Variants in TPO observed in about 807,000 individuals in gnomAD.
TPO encodes thyroid peroxidase, also known as thyroid microsomal antigen.
A neutral mutation model predicts 96.9 loss-of-function variants in TPO; 78 were observed. The ratio of observed to expected loss-of-function variants is 0.81; its 90% confidence interval spans 0.67 to 0.97. TPO has a LOEUF of 0.97. TPO is among the 50% of genes least tolerant of loss of function. The pLI is 0.00. For missense variants in TPO, 1,252 were observed against 1,274.8 expected (o/e 0.98, Z 0.27); for synonymous variants, 547 against 538.0 (o/e 1.02, Z -0.23).
intron 1 of TPO, among the ~76,000 whole-genome samples, chr2:1,380,200 C>T (rs1661786523): frequency 6.6e-6 from 1 of 152,038 alleles, no homozygotes; most frequent in South Asian, 2.1e-4. Flanking sequence ...CAAGACCATC[C>T]TGGCTAATAC....
chr2:1,429,277 G>T (rs918088109), intron 3 of TPO, among the ~76,000 whole-genome samples: 1 of 152,126 alleles, frequency 6.6e-6, no homozygotes, highest in African/African-American at 2.4e-5. Context: ...TGCCATGGTT[G>T]TCGGCTTCAT....
At chr2:1,526,449 G>T (rs201276948) in intron 15 of TPO, among the ~76,000 whole-genome samples, 1 of 119,910 alleles carries the variant, frequency 8.3e-6, no homozygotes, top group Non-Finnish European at 1.6e-5. Flanking sequence ...CCAACTGTGT[G>T]CAACCTCCCC....
chr2:1,489,395 G>A (rs936279603), intron 10 of TPO, among the ~76,000 whole-genome samples: 5 of 152,196 alleles, frequency 3.3e-5, no homozygotes, highest in African/African-American at 1.2e-4. Context: ...ATCTCCTCAT[G>A]TTCCCACTGC....
In TPO at chr2:1,446,519, G is replaced by A. The variant is rs1418070216; in HGVS notation, c.483-7175G>A. On this transcript the variant is annotated intron_variant, in intron 5 of 16. Coordinates refer to ENST00000329066, the MANE Select transcript of TPO (RefSeq NM_001206744.2). Reference sequence around the variant, plus strand: ...TCTTGAGGGGAGGGTGGCATTTCCTGTGGTTTAACTTCACATTTTCCTGGT... The same window carrying A: ...TCTTGAGGGGAGGGTGGCATTTCCTATGGTTTAACTTCACATTTTCCTGGT... 3.9e-5 allele frequency among the ~76,000 whole-genome samples: 6 copies of A among 152,162 alleles called. 1 individual carries two copies. The highest frequency in any genetic ancestry group is 7.2e-5 in the African/African-American group (3 of 41,440).
intron 15 of TPO, among the ~76,000 whole-genome samples, chr2:1,527,208 C>A (rs1444609636): frequency 1.4e-5 from 2 of 140,650 alleles, no homozygotes; most frequent in Non-Finnish European, 1.5e-5. Context: ...CCAAATCCCC[C>A]AACTATATGC....
At chr2:1,423,175 G>A (rs762435908) in intron 3 of TPO, 46 bp downstream of exon 3, 6 of 1,575,002 alleles carry the variant, frequency 3.8e-6, no homozygotes, top group Admixed American at 1.7e-5. Flanking sequence ...ACCGACAGGC[G>A]CATCCTCCCT....
intron 1 of TPO, among the ~76,000 whole-genome samples, chr2:1,402,140 A>C (rs927594937): frequency 2.0e-5 from 3 of 152,180 alleles, no homozygotes; most frequent in African/African-American, 4.8e-5. Context: ...TATGCAGCCA[A>C]GTGGGCCCCA....
In TPO at chr2:1,484,603, C is replaced by A; in HGVS notation, c.1346C>A (p.Thr449Asn). ...CTTTTCCTATCTGCACAGATCATCA[C>A]CCTGAGGGATTACATCCCCAGGATC... ...KVVGALHQII[T>N]LRDYIPRILG... is the part of the protein sequence containing the mutation. The change falls in exon 9 of 17, where the codon ACC becomes AAC. Residue 449 changes from threonine to asparagine, a missense_variant. Coordinates refer to ENST00000329066, the MANE Select transcript of TPO (RefSeq NM_001206744.2). 6.2e-7 allele frequency: 1 copy of A among 1,614,130 alleles called. No individual in the cohort carries two copies. Among genetic ancestry groups the A allele is most frequent in the Non-Finnish European group, 8.5e-7 (1 of 1,180,040 alleles).
At chr2:1,523,073 C>CGACACT (rs1675537872) in intron 15 of TPO, among the ~76,000 whole-genome samples, 1 of 147,304 alleles carries the variant, frequency 6.8e-6, no homozygotes, top group Non-Finnish European at 1.5e-5. Flanking sequence ...CACCAAATCC[C>CGACACT]GACACTGTGT....
chr2:1,521,085 A>T (rs1300463079), intron 15 of TPO, among the ~76,000 whole-genome samples: 1 of 152,180 alleles, frequency 6.6e-6, no homozygotes, highest in Non-Finnish European at 1.5e-5. Context: ...ACGGTGCCCT[A>T]TACCTTTTTG....
chr2:1,400,462 C>T (rs2148372627), intron 1 of TPO, among the ~76,000 whole-genome samples: 1 of 150,390 alleles, frequency 6.6e-6, no homozygotes, highest in African/African-American at 2.4e-5. Flanking sequence ...CATTGTACTT[C>T]AGTCTGGGTA....
intron 15 of TPO, among the ~76,000 whole-genome samples, chr2:1,531,529 CTCCTCAAATCCCT>C (rs1678245326): frequency 1.1e-5 from 1 of 93,980 alleles, no homozygotes; most frequent in Non-Finnish European, 2.3e-5. Flanking sequence ...TGTGTGCAAC[CTCCTCAAATCCCT>C]CCCACTCTGT....
chr2:1,438,596 C>T lies in TPO; in HGVS notation c.482+2212C>T, dbSNP rs1037305894. Among the ~76,000 whole-genome samples, 78 of 148,828 alleles carry T rather than the reference C, an allele frequency of 5.2e-4. 1 individual carries two copies. The highest frequency in any genetic ancestry group is 1.0e-3 in the East Asian group (5 of 4,826). ...CCCCACCCACCCCCACCCTGCCCCA[C>T]GTCCCTCCTCCACGTCAGGGGGATG... On this transcript the variant is annotated intron_variant, in intron 5 of 16. Transcript: ENST00000329066.
intron 3 of TPO, among the ~76,000 whole-genome samples, chr2:1,433,071 TC>T (rs1366496090): frequency 4.6e-5 from 7 of 152,286 alleles, no homozygotes; most frequent in African/African-American, 1.7e-4. Context: ...GCTGTGCGCT[TC>T]CCAGTCTCCT....
At chr2:1,389,737 C>G (rs1426517545) in intron 1 of TPO, among the ~76,000 whole-genome samples, 8 of 152,144 alleles carry the variant, frequency 5.3e-5, no homozygotes, top group Admixed American at 4.6e-4. Context: ...GGCTTTTCCT[C>G]CCTTGCTTGT....
chr2:1,386,761 T>C (rs1197623765), intron 1 of TPO, among the ~76,000 whole-genome samples: 2 of 152,214 alleles, frequency 1.3e-5, no homozygotes, highest in Non-Finnish European at 2.9e-5. Flanking sequence ...ATTATGATGT[T>C]AGCTGGTTAT....
At chr2:1,401,157 T>C (rs1369620424) in intron 1 of TPO, among the ~76,000 whole-genome samples, 1 of 152,210 alleles carries the variant, frequency 6.6e-6, no homozygotes, top group African/African-American at 2.4e-5. Flanking sequence ...GCCTGAGCTG[T>C]AGGCAGCGTG....
At chr2:1,516,445 A>G (rs1674715726) in intron 14 of TPO, among the ~76,000 whole-genome samples, 1 of 152,202 alleles carries the variant, frequency 6.6e-6, no homozygotes, top group Non-Finnish European at 1.5e-5. Context: ...AGCCAAGGGC[A>G]AAACCTCACA....
chr2:1,446,872 G>A (rs1439496091), intron 5 of TPO, among the ~76,000 whole-genome samples: 2 of 152,076 alleles, frequency 1.3e-5, no homozygotes, highest in Admixed American at 6.5e-5. Flanking sequence ...AGAATGTGAA[G>A]GTATTTTTCT....
Sources: gnomAD v4.1 joint callset for allele counts (sites outside exome capture counted in the v4.1 genomes callset) on GRCh38, gnomAD v4.1.1 for gene constraint, MANE v1.5 for transcripts, NCBI Gene and HGNC (gene_info 2026-07-23, HGNC 2026-07-21) for gene names.